The following ROR2 variants were observed in gnomAD, a reference collection of about 807,000 sequenced individuals.
ROR2 encodes the protein ROR family WNT receptor 2, also known as tyrosine-protein kinase transmembrane receptor ROR2.
In ROR2, 33 loss-of-function variants were observed where a neutral mutation model predicts 74.9. The observed-to-expected ratio is 0.44, with a 90% CI of 0.33 to 0.59. The LOEUF (loss-of-function observed/expected upper bound fraction) is 0.59, where lower values mean the gene tolerates loss of function less well. Among genes scored for constraint, ROR2 ranks in the 20% least tolerant of loss-of-function variants. The pLI is 0.02. For missense variants in ROR2, 1,216 were observed against 1,313.8 expected (o/e 0.93, Z 1.15); for synonymous variants, 586 against 558.7 (o/e 1.05, Z -0.69).
chr9:91,844,900 C>A (rs759354724), intron 1 of ROR2, among the ~76,000 whole-genome samples: 1 of 152,056 alleles, frequency 6.6e-6, no homozygotes, highest in Non-Finnish European at 1.5e-5. Context: ...GAAGGGGGTG[C>A]GGGAAGGGGA....
intron 1 of ROR2, among the ~76,000 whole-genome samples, chr9:91,819,442 CTGTGTGTGTCTG>C (rs1402978154): frequency 6.6e-6 from 1 of 151,920 alleles, no homozygotes; most frequent in Non-Finnish European, 1.5e-5. Context: ...TGTGTGTGTT[CTGTGTGTGTCTG>C]TGTATGTGTC....
chr9:91,848,761 GAAGAAAAAAAA>G (rs1563997499), intron 1 of ROR2, among the ~76,000 whole-genome samples: 2 of 96,620 alleles, frequency 2.1e-5, no homozygotes, highest in African/African-American at 8.5e-5. Context: ...TCTCAGGGGG[GAAGAAAAAAAA>G]AAAAAAAAAA....
chr9:91,748,164 C>A (rs1825489917), intron 4 of ROR2, among the ~76,000 whole-genome samples: 1 of 151,934 alleles, frequency 6.6e-6, no homozygotes, highest in Admixed American at 6.6e-5. Context: ...AATCCCAGCT[C>A]CTCGGGAGAC....
At chr9:91,814,746 C>CT (rs1330599610) in intron 1 of ROR2, among the ~76,000 whole-genome samples, 2 of 152,204 alleles carry the variant, frequency 1.3e-5, no homozygotes, top group Non-Finnish European at 2.9e-5. Context: ...TTTCAAGGAT[C>CT]TGGGTGATGC....
chr9:91,940,915 CT>C (rs1342987213), intron 1 of ROR2, among the ~76,000 whole-genome samples: 2 of 149,838 alleles, frequency 1.3e-5, no homozygotes, highest in Non-Finnish European at 3.0e-5. Context: ...TTGAGTCTTT[CT>C]TTTAACAGCA....
chr9:91,863,146 G>C (rs192971921), intron 1 of ROR2, among the ~76,000 whole-genome samples: 1 of 152,172 alleles, frequency 6.6e-6, no homozygotes, highest in South Asian at 2.1e-4. Flanking sequence ...ACAGCGCTGG[G>C]GCAAACAATC....
At chr9:91,920,538 C>T (rs924253414) in intron 1 of ROR2, among the ~76,000 whole-genome samples, 9 of 152,274 alleles carry the variant, frequency 5.9e-5, no homozygotes, top group African/African-American at 1.7e-4. Context: ...CAATGCTTTA[C>T]CCTGCCCACA....
intron 1 of ROR2, among the ~76,000 whole-genome samples, chr9:91,867,747 A>AC (rs1414678030): frequency 1.0e-4 from 15 of 150,616 alleles, no homozygotes; most frequent in African/African-American, 3.7e-4. Flanking sequence ...ACAGCAGAAC[A>AC]CCACCCCCGT....
intron 1 of ROR2, among the ~76,000 whole-genome samples, chr9:91,867,862 CG>C (rs1206561131): frequency 6.6e-6 from 1 of 152,092 alleles, no homozygotes; most frequent in African/African-American, 2.4e-5. Flanking sequence ...GAAGGCTGTT[CG>C]GAACTTGCAG....
At chr9:91,911,933 C>CAAAAAAAAAAAAAAAAAAAAAAA (rs747087662) in intron 1 of ROR2, among the ~76,000 whole-genome samples, 2 of 76,394 alleles carry the variant, frequency 2.6e-5, no homozygotes, top group African/African-American at 9.7e-5. Context: ...TGAGTCTAAG[C>CAAAAAAAAAAAAAAAAAAAAAAA]AAAAAAAAAA....
At chr9:91,824,659 G>A (rs920533907) in intron 1 of ROR2, among the ~76,000 whole-genome samples, 2 of 152,148 alleles carry the variant, frequency 1.3e-5, no homozygotes, top group Non-Finnish European at 2.9e-5. Flanking sequence ...GGGAGTGCCC[G>A]GGAACTCCCC....
chr9:91,771,584 G>T (rs1388155105), intron 2 of ROR2, among the ~76,000 whole-genome samples: 1 of 152,168 alleles, frequency 6.6e-6, no homozygotes, highest in African/African-American at 2.4e-5. Context: ...CTTAAACAAT[G>T]ACAGTACTTT....
intron 1 of ROR2, among the ~76,000 whole-genome samples, chr9:91,800,798 G>A (rs1827349257): frequency 6.6e-6 from 1 of 152,194 alleles, no homozygotes; most frequent in Non-Finnish European, 1.5e-5. Flanking sequence ...CTTCCAAAGA[G>A]ACTCGTTATT....
At position 91,909,847 on chromosome 9, in the gene ROR2, G is replaced by GTTT. The variant is rs71362365; in HGVS notation, c.97+40017_97+40019dup. 6.3e-4 allele frequency among the ~76,000 whole-genome samples: 34 copies of GTTT among 53,602 alleles called. 1 individual carries two copies. The highest frequency in any genetic ancestry group is 8.1e-4 in the Non-Finnish European group (26 of 32,106). The allele number at this position is 53,602 out of a possible 152,430, so 35.2% of individuals were successfully genotyped here. A position where few individuals can be genotyped will look rare whatever the true frequency, so the allele number is the denominator to read the frequency against. On this transcript the variant is annotated intron_variant, in intron 1 of 8. Transcript: ENST00000375708. The stretch of plus-strand genomic sequence containing the variant: ...TCTTTTTTTTTTTTAGGTTTGTTTT[G>GTTT]TTTTTTTTTTTTTTTTTTTTTTTTA...
chr9:91,779,418 T>A (rs962193345), intron 1 of ROR2, among the ~76,000 whole-genome samples: 1 of 150,160 alleles, frequency 6.7e-6, no homozygotes, highest in African/African-American at 2.5e-5. Flanking sequence ...TTGCCCAGGC[T>A]GGAGTGCAGT....
rs145837346 is a variant in ROR2 at position 91,899,829 on chromosome 9, C to T, written c.97+50038G>A. 5.9e-3 allele frequency among the ~76,000 whole-genome samples: 892 copies of T among 152,276 alleles called. 6 individuals carry two copies. The Middle Eastern group carries it at 0.099, about 17-fold the overall frequency. On this transcript the variant is annotated intron_variant, in intron 1 of 8. Coordinates refer to ENST00000375708, the MANE Select transcript of ROR2 (RefSeq NM_004560.4). ...TCACACGTACGCACACGTACACATA[C>T]ACCAGGAAACTGGTCGCAAACACAC... is the stretch of plus-strand genomic sequence containing the variant.
intron 1 of ROR2, among the ~76,000 whole-genome samples, chr9:91,799,184 G>A (rs1482401911): frequency 6.6e-6 from 1 of 152,162 alleles, no homozygotes; most frequent in Non-Finnish European, 1.5e-5. Context: ...CCCTCTGGAA[G>A]GTATCTTTCC....
At chr9:91,852,728 A>T (rs2119263992) in intron 1 of ROR2, among the ~76,000 whole-genome samples, 1 of 152,222 alleles carries the variant, frequency 6.6e-6, no homozygotes, top group Non-Finnish European at 1.5e-5. Flanking sequence ...TGTCTTCAAA[A>T]AGTTAAAGAA....
At chr9:91,742,811 C>A (rs72744464) in intron 4 of ROR2, among the ~76,000 whole-genome samples, 11,784 of 152,260 alleles carry the variant, frequency 0.077, 598 homozygotes, top group African/African-American at 0.14. Context: ...CTCACTGACT[C>A]ACCAGCAACA....
Sources: allele counts gnomAD v4.1 joint callset (sites outside exome capture counted in the v4.1 genomes callset), GRCh38; gene constraint gnomAD v4.1.1; transcripts MANE v1.5; gene names NCBI Gene and HGNC (gene_info 2026-07-23, HGNC 2026-07-21).